The following DAB1 variants were observed in gnomAD, a reference collection of about 807,000 sequenced individuals.
DAB1 encodes the protein DAB adaptor protein 1.
A neutral mutation model predicts 64.6 loss-of-function variants in DAB1; 15 were observed. That is an observed-to-expected ratio of 0.23 (90% CI 0.16 to 0.36). The LOEUF is 0.36. DAB1 is among the 10% of genes least tolerant of loss of function. The probability of loss-of-function intolerance (pLI) is 1.00; values close to 1 mark genes in which losing one functional copy is unlikely to be tolerated. For synonymous variants in DAB1, 235 were observed against 251.9 expected (o/e 0.93, Z 0.64); for missense variants, 596 against 706.7 (o/e 0.84, Z 1.78).
intron 7 of DAB1, among the ~76,000 whole-genome samples, chr1:57,487,761 T>C (rs1644110331): frequency 6.6e-6 from 1 of 152,216 alleles, no homozygotes. Context: ...GTTTGTATAA[T>C]AATGAAATCA....
chr1:58,079,842 T>G (rs542697658), intron 5 of DAB1, among the ~76,000 whole-genome samples: 1 of 152,272 alleles, frequency 6.6e-6, no homozygotes, highest in African/African-American at 2.4e-5. Flanking sequence ...TTTAATTGCC[T>G]TATTTTCATA....
intron 6 of DAB1, among the ~76,000 whole-genome samples, chr1:57,726,279 AG>A (rs1259755444): frequency 6.6e-6 from 1 of 152,226 alleles, no homozygotes; most frequent in Non-Finnish European, 1.5e-5. Context: ...CATCTATCAC[AG>A]CAGGCTCTAA....
At chr1:57,965,441 T>A (rs576989150) in intron 5 of DAB1, among the ~76,000 whole-genome samples, 1 of 152,284 alleles carries the variant, frequency 6.6e-6, no homozygotes, top group South Asian at 2.1e-4. Context: ...GGCCTCTTCG[T>A]AACAAAATCG....
chr1:57,341,181 A>G (rs903341868), intron 1 of DAB1, among the ~76,000 whole-genome samples: 3 of 152,102 alleles, frequency 2.0e-5, no homozygotes, highest in Admixed American at 1.3e-4. Context: ...AGGCAGTCCA[A>G]TCTCAAAATC....
chr1:58,016,186 A>G (rs921200221), intron 5 of DAB1, among the ~76,000 whole-genome samples: 1 of 152,178 alleles, frequency 6.6e-6, no homozygotes, highest in Non-Finnish European at 1.5e-5. Context: ...AAAGGCCAAA[A>G]AGTAAATATT....
intron 6 of DAB1, among the ~76,000 whole-genome samples, chr1:57,708,657 T>C (rs1044128418): frequency 6.6e-6 from 1 of 152,224 alleles, no homozygotes; most frequent in Admixed American, 6.5e-5. Flanking sequence ...CCAGGGCTGG[T>C]CTGAAGGCTC....
chr1:57,687,896 T>A (rs1351591887), intron 6 of DAB1, among the ~76,000 whole-genome samples: 1 of 152,098 alleles, frequency 6.6e-6, no homozygotes, highest in Non-Finnish European at 1.5e-5. Flanking sequence ...CCACTACTTT[T>A]CAGCATATAC....
chr1:57,292,569 A>G (rs1672861808), intron 1 of DAB1, among the ~76,000 whole-genome samples: 1 of 152,158 alleles, frequency 6.6e-6, no homozygotes, highest in South Asian at 2.1e-4. Context: ...CGTCTCTAAG[A>G]CAACGTTCAA....
chr1:58,431,060 T>C (rs1483089814), intron 3 of DAB1, among the ~76,000 whole-genome samples: 2 of 152,236 alleles, frequency 1.3e-5, no homozygotes, highest in Non-Finnish European at 2.9e-5. Flanking sequence ...TTAATTTGGC[T>C]TTTGAAAACC....
intron 2 of DAB1, among the ~76,000 whole-genome samples, chr1:57,274,768 G>C (rs937392803): frequency 2.0e-5 from 3 of 152,116 alleles, no homozygotes; most frequent in African/African-American, 7.2e-5. Context: ...TTTTAGTAGA[G>C]ATGGGGTCTC....
intron 7 of DAB1, among the ~76,000 whole-genome samples, chr1:57,562,894 A>G (rs1645069547): frequency 6.6e-6 from 1 of 152,196 alleles, no homozygotes; most frequent in South Asian, 2.1e-4. Flanking sequence ...GGCTGGGGTG[A>G]TTGACCCAGA....
At chr1:58,134,806 G>T (rs1244864136) in intron 5 of DAB1, among the ~76,000 whole-genome samples, 1 of 152,080 alleles carries the variant, frequency 6.6e-6, no homozygotes, top group East Asian at 1.9e-4. Context: ...CCAACACTGG[G>T]GATTACAATT....
intron 3 of DAB1, among the ~76,000 whole-genome samples, chr1:57,142,631 T>TACAC (rs35559563): frequency 4.5e-4 from 19 of 42,420 alleles, no homozygotes; most frequent in East Asian, 2.1e-3. Context: ...CACACACACA[T>TACAC]ACACACACAC....
intron 4 of DAB1, among the ~76,000 whole-genome samples, chr1:58,155,919 T>TC (rs1195013669): frequency 6.6e-6 from 1 of 152,210 alleles, no homozygotes; most frequent in African/African-American, 2.4e-5. Flanking sequence ...ATACAATGCC[T>TC]CCCAATAGTG....
At chr1:57,108,501 T>C (rs1655370261) in intron 4 of DAB1, among the ~76,000 whole-genome samples, 1 of 152,224 alleles carries the variant, frequency 6.6e-6, no homozygotes, top group South Asian at 2.1e-4. Context: ...AGTACTGTTC[T>C]CTACATTTCC....
chr1:58,156,767 C>T (rs1294627223), intron 4 of DAB1, among the ~76,000 whole-genome samples: 1 of 152,124 alleles, frequency 6.6e-6, no homozygotes, highest in Admixed American at 6.5e-5. Flanking sequence ...CAAAGGTCCA[C>T]AGGTTGATTG....
chr1:57,863,836 A>C (rs1654176394), intron 1 of DAB1, among the ~76,000 whole-genome samples: 1 of 152,220 alleles, frequency 6.6e-6, no homozygotes, highest in African/African-American at 2.4e-5. Context: ...TGAAGTTAAT[A>C]TAGGGCCTGG....
At chr1:57,328,344 C>T (rs1676358262) in intron 1 of DAB1, among the ~76,000 whole-genome samples, 1 of 152,112 alleles carries the variant, frequency 6.6e-6, no homozygotes, top group Admixed American at 6.5e-5. Context: ...CTGGTAAAGA[C>T]CACGTGGGGT....
intron 2 of DAB1, among the ~76,000 whole-genome samples, chr1:57,172,345 G>C (rs1661857565): frequency 6.6e-6 from 1 of 152,248 alleles, no homozygotes; most frequent in South Asian, 2.1e-4. Flanking sequence ...ATTCATGTTA[G>C]CTCATTTAAT....
Sources: allele counts gnomAD v4.1 joint callset (sites outside exome capture counted in the v4.1 genomes callset), GRCh38; gene constraint gnomAD v4.1.1; transcripts MANE v1.5; gene names NCBI Gene and HGNC (gene_info 2026-07-23, HGNC 2026-07-21).